The following MAGEC3 variants were observed in gnomAD, a reference collection of about 807,000 sequenced individuals.
MAGEC3 encodes the protein melanoma-associated antigen C3.
MAGEC3 carries 34 observed loss-of-function variants against 35.3 expected under a neutral mutation model. The observed-to-expected ratio is 0.96, with a 90% CI of 0.73 to 1.28. MAGEC3 has a LOEUF of 1.28. MAGEC3 is among the 50% of genes most tolerant of loss of function. The pLI, the probability that MAGEC3 is intolerant of heterozygous loss-of-function variation, is 0.00. For synonymous variants in MAGEC3, 202 were observed against 185.6 expected (o/e 1.09, Z -0.72); for missense variants, 561 against 483.6 (o/e 1.16, Z -1.50).
intron 2 of MAGEC3, among the ~76,000 whole-genome samples, chrX:141,867,989 G>A (rs1603064544): frequency 9.0e-6 from 1 of 110,595 alleles, no homozygotes; most frequent in East Asian, 2.9e-4. Flanking sequence ...CAGGAGTGGT[G>A]GTGGGCGCCT....
chrX:141,850,247 T>C (rs1359013070), intron 1 of MAGEC3, among the ~76,000 whole-genome samples: 2 of 110,296 alleles, frequency 1.8e-5, no homozygotes, highest in Non-Finnish European at 3.8e-5. Flanking sequence ...AAGGGAGGCA[T>C]GGGTAGGAAA....
rs564552869 is a variant in MAGEC3, at chrX:141,882,284, C to T, written c.909+488C>T. On this transcript the variant is annotated intron_variant, in intron 4 of 7. Coordinates refer to ENST00000298296, the MANE Select transcript of MAGEC3 (RefSeq NM_138702.1). ...CCATATGGGAGAGATAGATTTACCT[C>T]GTTTCCTTTTGTGTACTTTTTGAAT... Among the ~76,000 whole-genome samples, 47 of 111,769 alleles carry T rather than the reference C, an allele frequency of 4.2e-4. 1 individual carries two copies. The South Asian group carries it at 0.016, about 38-fold the overall frequency.
chrX:141,880,129 G>A (rs749550579), intron 3 of MAGEC3, among the ~76,000 whole-genome samples: 2 of 111,505 alleles, frequency 1.8e-5, no homozygotes, highest in South Asian at 7.7e-4. Flanking sequence ...TCAGCACAGG[G>A]AGCTGCCTCC....
chrX:141,878,916 C>A (rs12389657), intron 2 of MAGEC3, among the ~76,000 whole-genome samples: 2,576 of 111,667 alleles, frequency 0.023, 80 homozygotes, highest in African/African-American at 0.077. Context: ...CCTGCCCACC[C>A]CATTTTAGAA....
rs1453128634 is a variant in MAGEC3, at chrX:141,848,478, C to G, written c.123+10040C>G. On this transcript the variant is annotated intron_variant, in intron 1 of 7. Coordinates refer to ENST00000298296, the MANE Select transcript of MAGEC3 (RefSeq NM_138702.1). ...CAAAAATTAGTAGCATTTCTATACA[C>G]AAATAACATCCAGGCTGAGAGTCAA... Among the ~76,000 whole-genome samples the G allele has an allele frequency of 7.2e-5, 8 of 110,829 alleles. No homozygotes were observed. The East Asian group carries it at 2.0e-3, about 28-fold the overall frequency.
intron 1 of MAGEC3, among the ~76,000 whole-genome samples, chrX:141,864,688 C>T (rs1476023058): frequency 9.0e-6 from 1 of 110,930 alleles, no homozygotes; most frequent in Non-Finnish European, 1.9e-5. Flanking sequence ...AGGTTTAATA[C>T]CTGGATGATG....
intron 1 of MAGEC3, among the ~76,000 whole-genome samples, chrX:141,860,495 C>T (rs965012832): frequency 1.8e-5 from 2 of 111,643 alleles, no homozygotes; most frequent in African/African-American, 6.5e-5. Flanking sequence ...GATATGTGTA[C>T]ACCCACATAT....
At chrX:141,880,974 C>T (rs2017959031) in intron 3 of MAGEC3, 7 of 553,424 alleles carry the variant, frequency 1.3e-5, no homozygotes, top group South Asian at 5.7e-5. Flanking sequence ...CTAAGGAAGA[C>T]GTTATGCCTG....
chrX:141,880,282 C>A (rs1327364908), intron 3 of MAGEC3, among the ~76,000 whole-genome samples: 1 of 111,454 alleles, frequency 9.0e-6, no homozygotes, highest in East Asian at 2.8e-4. Context: ...TCACTACCTC[C>A]CACTGCTCTC....
intron 1 of MAGEC3, among the ~76,000 whole-genome samples, chrX:141,861,176 G>A (rs7058283): frequency 0.013 from 1,417 of 110,527 alleles, 14 homozygotes; most frequent in African/African-American, 0.043. Context: ...ATCCGAGGAC[G>A]CTAGATACAC....
At chrX:141,858,251 C>A (rs765812788) in intron 1 of MAGEC3, among the ~76,000 whole-genome samples, 7 of 111,090 alleles carry the variant, frequency 6.3e-5, no homozygotes, top group African/African-American at 2.3e-4. Flanking sequence ...TCCACATTTA[C>A]AACTCAGATG....
In MAGEC3 at chrX:141,869,136, G is replaced by A. The variant is rs759164407; in HGVS notation, c.258+3531G>A. On this transcript the variant is annotated intron_variant, in intron 2 of 7. Transcript: ENST00000298296. ...CCTGATCTCGTAATCCACCTGCCTC[G>A]GTCTCCCAAAGTGCTGGGATTACAG... 3.0e-3 allele frequency among the ~76,000 whole-genome samples: 329 copies of A among 110,256 alleles called. 1 individual carries two copies. Among genetic ancestry groups the A allele is most frequent in the African/African-American group, 9.9e-3 (301 of 30,333 alleles).
intron 1 of MAGEC3, among the ~76,000 whole-genome samples, chrX:141,845,929 A>G (rs2017713552): frequency 9.0e-6 from 1 of 111,107 alleles, no homozygotes; most frequent in East Asian, 2.8e-4. Flanking sequence ...ATATGAATAC[A>G]TATGTGATAG....
chrX:141,848,953 C>A (rs779934999), intron 1 of MAGEC3, among the ~76,000 whole-genome samples: 1 of 111,286 alleles, frequency 9.0e-6, no homozygotes, highest in African/African-American at 3.3e-5. Context: ...TATGTACTCA[C>A]AAAAATTAAA....
intron 2 of MAGEC3, among the ~76,000 whole-genome samples, chrX:141,875,447 A>T: frequency 9.0e-6 from 1 of 111,347 alleles, no homozygotes; most frequent in South Asian, 3.9e-4. Context: ...TGCGCAAAAC[A>T]TCTATATTCA....
chrX:141,872,096 G>A (rs959348854), intron 2 of MAGEC3, among the ~76,000 whole-genome samples: 1 of 110,363 alleles, frequency 9.1e-6, no homozygotes, highest in African/African-American at 3.3e-5. Context: ...GGAGGGTCAG[G>A]ATTTAAGGTA....
intron 4 of MAGEC3, among the ~76,000 whole-genome samples, chrX:141,884,124 C>G (rs1255588241): frequency 8.9e-6 from 1 of 112,889 alleles, no homozygotes; most frequent in African/African-American, 3.2e-5. Context: ...TTGAAGGATG[C>G]AAGTATTGTT....
At chrX:141,861,645 T>G (rs2017815738) in intron 1 of MAGEC3, among the ~76,000 whole-genome samples, 2 of 111,730 alleles carry the variant, frequency 1.8e-5, no homozygotes, top group South Asian at 7.4e-4. Context: ...CATCTGATCT[T>G]CAACAAAGCC....
At chrX:141,843,370 T>C (rs1407065488) in intron 1 of MAGEC3, among the ~76,000 whole-genome samples, 2 of 111,413 alleles carry the variant, frequency 1.8e-5, no homozygotes, top group Non-Finnish European at 3.8e-5. Context: ...CGCACAAGAA[T>C]GACTTGCTAT....
Sources: allele counts gnomAD v4.1 joint callset (sites outside exome capture counted in the v4.1 genomes callset), GRCh38; gene constraint gnomAD v4.1.1; transcripts MANE v1.5; gene names NCBI Gene and HGNC (gene_info 2026-07-23, HGNC 2026-07-21).